SERPINB6: variants seen among roughly 807,000 people sequenced by gnomAD.
The protein encoded by SERPINB6 is serpin B6.
SERPINB6 carries 16 observed loss-of-function variants against 26.1 expected under a neutral mutation model. The observed-to-expected ratio is 0.61, with a 90% CI of 0.42 to 0.93. SERPINB6 has a LOEUF of 0.93. Among genes scored for constraint, SERPINB6 ranks in the 40% least tolerant of loss-of-function variants. The pLI, the probability that SERPINB6 is intolerant of heterozygous loss-of-function variation, is 0.00. For missense variants in SERPINB6, 420 were observed against 478.0 expected, an observed-to-expected ratio of 0.88 and a Z score of 1.13; for synonymous variants, 174 against 176.6, an observed-to-expected ratio of 0.99 and a Z score of 0.11.
intron 1 of SERPINB6, chr6:2,969,489 AT>A: frequency 1.0e-6 from 1 of 983,870 alleles, no homozygotes; most frequent in Non-Finnish European, 1.2e-6. Flanking sequence ...TTAAAGTCTT[AT>A]TAATGAACAA....
intron 1 of SERPINB6, chr6:2,969,145 C>T (rs1771900722): frequency 3.0e-6 from 3 of 1,004,470 alleles, no homozygotes; most frequent in Middle Eastern, 4.9e-4. Context: ...AAGTTTACCA[C>T]TCAAGATACT....
chr6:2,956,677 C>T (rs1049215972), intron 2 of SERPINB6: 1 of 152,318 alleles, frequency 6.6e-6, no homozygotes, highest in Non-Finnish European at 1.5e-5. Context: ...CAAAATTAGC[C>T]TGGCGTGGTG....
intron 1 of SERPINB6, among the ~76,000 whole-genome samples, chr6:2,964,193 AAATAAAAGTAAAATAC>A (rs1314624449): frequency 1.3e-5 from 2 of 152,258 alleles, no homozygotes; most frequent in Non-Finnish European, 2.9e-5. Flanking sequence ...ATTATGTCAA[AAATAAAAGTAAAATAC>A]AATAAAGTGA....
intron 1 of SERPINB6, 136 bp from the exon 2 acceptor site, chr6:2,959,478 C>T (rs960228071): frequency 1.2e-6 from 1 of 825,078 alleles, no homozygotes; most frequent in Non-Finnish European, 2.0e-6. Flanking sequence ...CTGGCTGTTT[C>T]TTTTTAGGAC....
Position 2,970,741 on chromosome 6 carries a change from AAAAG to A in SERPINB6, c.-11+788_-11+791del, listed in dbSNP as rs1328313800. ...CTTTAGGACAAAAAAAAAAAAAAAA[AAAAG>A]GAAGAAAATAACTTAAATGCCAATT... On this transcript the variant is annotated intron_variant, in intron 1 of 6. Transcript: ENST00000380539. 8.1e-6 allele frequency: 10 copies of A among 1,230,028 alleles called. No individual in the cohort carries two copies. In the African/African-American group the frequency reaches 1.2e-4, roughly 15 times the overall value. 76.2% of individuals were successfully genotyped at this position (1,230,028 alleles called of 1,614,324 possible). A position where few individuals can be genotyped will look rare whatever the true frequency, so the allele number is the denominator to read the frequency against.
At chr6:2,952,995 G>A in intron 5 of SERPINB6, 49 bp downstream of exon 5, 3 of 1,612,544 alleles carry the variant, frequency 1.9e-6, no homozygotes, top group Non-Finnish European at 1.7e-6. Context: ...CCGAGCCGGA[G>A]ACGCTCGTGT....
chr6:2,949,850 C>A (rs1769579970), intron 5 of SERPINB6, among the ~76,000 whole-genome samples: 1 of 152,200 alleles, frequency 6.6e-6, no homozygotes, highest in African/African-American at 2.4e-5. Context: ...CCAGTTCCCT[C>A]TCCCTTTGCT....
chr6:2,948,733 G>C lies in SERPINB6; in HGVS notation c.730-34C>G, dbSNP rs1319821313. On this transcript the variant is annotated intron_variant, in intron 6 of 6. Transcript: ENST00000380539. This position sits in a 1 kb window ranked among gnomAD's most constrained non-coding sequence, Gnocchi z 5.0. ...AGACAGTTGAAGACTTTAAGACCCA[G>C]GGTGCTGCTGCCCAGCAGGGCCCTG... 1 of 1,605,558 alleles carries C rather than the reference G, an allele frequency of 6.2e-7. No individual in the cohort carries two copies. Among genetic ancestry groups the C allele is most frequent in the East Asian group, 2.2e-5 (1 of 44,826 alleles).
At chr6:2,960,988 C>CAA (rs1771044275) in intron 1 of SERPINB6, 1 of 152,194 alleles carries the variant, frequency 6.6e-6, no homozygotes, top group Non-Finnish European at 1.5e-5. Context: ...TGAAGGGCCT[C>CAA]AAGCCAAGAA....
chr6:2,948,451 T>G lies in SERPINB6; in HGVS notation c.978A>C (p.Glu326Asp). The G allele has an allele frequency of 6.2e-7, 1 of 1,614,150 alleles. No individual in the cohort carries two copies. The highest frequency in any genetic ancestry group is 8.5e-7 in the Non-Finnish European group (1 of 1,180,016). ...CTGTGGCGGCTGCAGCCTCCGTGCC[T>G]TCCTCATTGACCTCCACAAAAGACT... ...VHKSFVEVNEEGTEAAAATAA... is the reference protein window; with the variant it reads ...VHKSFVEVNEDGTEAAAATAA... Residue 326 changes from glutamate to aspartate, a missense_variant, in exon 7 of 7, where the codon GAA becomes GAC. Transcript: ENST00000380539. The surrounding 1 kb of genome is among the most constrained non-coding windows in gnomAD (Gnocchi z 5.0).
At chr6:2,965,708 A>T (rs1771561799) in intron 1 of SERPINB6, among the ~76,000 whole-genome samples, 1 of 152,200 alleles carries the variant, frequency 6.6e-6, no homozygotes, top group Non-Finnish European at 1.5e-5. Flanking sequence ...CATTAATATC[A>T]CAGATTTAAT....
At chr6:2,953,580 C>T (rs1394699095) in intron 4 of SERPINB6, among the ~76,000 whole-genome samples, 3 of 152,112 alleles carry the variant, frequency 2.0e-5, no homozygotes, top group African/African-American at 7.2e-5. Context: ...CCTATAATTC[C>T]AGCAGTTTGG....
chr6:2,969,046 C>A, intron 1 of SERPINB6: 1 of 1,167,978 alleles, frequency 8.6e-7, no homozygotes, highest in Non-Finnish European at 1.1e-6. Flanking sequence ...TATCACTTCG[C>A]AATAATGCAT....
upstream of SERPINB6, chr6:2,971,643 G>C (rs1009961357): frequency 2.6e-5 from 4 of 152,086 alleles, no homozygotes; most frequent in African/African-American, 9.7e-5. Flanking sequence ...AGCTACCGTC[G>C]CCCGTCCGGA....
At chr6:2,956,813 C>G (rs1770545392) in intron 2 of SERPINB6, 1 of 133,466 alleles carries the variant, frequency 7.5e-6, no homozygotes, top group Non-Finnish European at 1.6e-5. Context: ...AAGAGCAAAA[C>G]TCTGTCTCAA....
At chr6:2,950,532 C>CAAAAAAAAAAAA (rs5873848) in intron 5 of SERPINB6, among the ~76,000 whole-genome samples, 1 of 110,194 alleles carries the variant, frequency 9.1e-6, no homozygotes, top group Non-Finnish European at 1.9e-5. Context: ...GACTCCATCT[C>CAAAAAAAAAAAA]AAAAAAAAAA....
chr6:2,959,079 T>C (rs956502679), intron 2 of SERPINB6, 89 bp downstream of exon 2: 5 of 1,541,486 alleles, frequency 3.2e-6, no homozygotes, highest in Non-Finnish European at 4.5e-6. Context: ...TGCACAGTCA[T>C]CCGTCTCGAG....
At position 2,967,195 on chromosome 6, in the gene SERPINB6, G is replaced by T; in HGVS notation, c.-11+4338C>A. ...TCGAGTTGGAGGGATCTGTTAACCT[G>T]CCCAGGGCACAACACCCACACACAA... On this transcript the variant is annotated intron_variant, in intron 1 of 6. Transcript: ENST00000380539. This position sits in a 1 kb window ranked among gnomAD's most constrained non-coding sequence, Gnocchi z 4.3. The T allele has an allele frequency of 6.1e-6, 6 of 985,446 alleles. No individual in the cohort carries two copies. Among genetic ancestry groups the T allele is most frequent in the Non-Finnish European group, 7.2e-6 (6 of 829,978 alleles). 61.0% of individuals were successfully genotyped at this position (985,446 alleles called of 1,614,324 possible).
intron 1 of SERPINB6, chr6:2,970,375 G>A (rs1347642195): frequency 9.9e-7 from 1 of 1,005,770 alleles, no homozygotes; most frequent in African/African-American, 1.7e-5. Context: ...CACAATGGAT[G>A]CAATTACTCA....
Sources: gnomAD v4.1 joint callset for allele counts (sites outside exome capture counted in the v4.1 genomes callset) on GRCh38, gnomAD v4.1.1 for gene constraint, Gnocchi (gnomAD v3.1) non-coding constraint, MANE v1.5 for transcripts, NCBI Gene and HGNC (gene_info 2026-07-23, HGNC 2026-07-21) for gene names.